AP3S1: variants seen among roughly 807,000 people sequenced by gnomAD.
AP3S1 encodes AP-3 complex subunit sigma-1.
Under a neutral mutation model 21.3 loss-of-function variants are expected in AP3S1, and 12 were observed. That is an observed-to-expected ratio of 0.56 (90% CI 0.36 to 0.91). The LOEUF is 0.91. Among genes scored for constraint, AP3S1 ranks in the 40% least tolerant of loss-of-function variants. The pLI, the probability that AP3S1 is intolerant of heterozygous loss-of-function variation, is 0.01. For missense variants in AP3S1, 116 were observed against 225.0 expected, an observed-to-expected ratio of 0.52 and a Z score of 3.10; for synonymous variants, 48 against 78.4, an observed-to-expected ratio of 0.61 and a Z score of 2.05.
At chr5:115,881,454 A>G (rs1461577111) in intron 3 of AP3S1, among the ~76,000 whole-genome samples, 2 of 152,164 alleles carry the variant, frequency 1.3e-5, no homozygotes, top group Non-Finnish European at 2.9e-5. Flanking sequence ...TCCTTCACTT[A>G]TGAAGCTTAG....
At chr5:115,863,129 G>A (rs182167368) in intron 1 of AP3S1, among the ~76,000 whole-genome samples, 1 of 152,284 alleles carries the variant, frequency 6.6e-6, no homozygotes, top group Non-Finnish European at 1.5e-5. Context: ...GCTGGGCGTG[G>A]TGGCTCCCAT....
chr5:115,883,416 C>G (rs1749483903), intron 3 of AP3S1, among the ~76,000 whole-genome samples: 1 of 152,194 alleles, frequency 6.6e-6, no homozygotes, highest in African/African-American at 2.4e-5. Context: ...GGCACCATCC[C>G]TCACAGCACA....
Position 115,846,829 on chromosome 5 carries a change from T to C in AP3S1, c.69+4723T>C, listed in dbSNP as rs151040224. Reference sequence around the variant, plus strand: ...GTTAAGAAGAAAATTCCATACGATTTGGTTTCCTTCCATATTAGTTATAAT... The same window carrying C: ...GTTAAGAAGAAAATTCCATACGATTCGGTTTCCTTCCATATTAGTTATAAT... On this transcript the variant is annotated intron_variant, in intron 1 of 5. Coordinates refer to ENST00000316788, the MANE Select transcript of AP3S1 (RefSeq NM_001284.4). Among the ~76,000 whole-genome samples, 472 of 152,294 alleles carry C rather than the reference T, an allele frequency of 3.1e-3. 1 individual carries two copies. Among genetic ancestry groups the C allele is most frequent in the South Asian group, 4.6e-3 (22 of 4,824 alleles).
intron 3 of AP3S1, among the ~76,000 whole-genome samples, chr5:115,884,666 A>T (rs1749620135): frequency 6.6e-6 from 1 of 152,248 alleles, no homozygotes; most frequent in Non-Finnish European, 1.5e-5. Context: ...TTCTTACAAT[A>T]CCACATTTTT....
intron 3 of AP3S1, among the ~76,000 whole-genome samples, chr5:115,886,759 A>T (rs1189164520): frequency 6.6e-6 from 1 of 152,142 alleles, no homozygotes; most frequent in East Asian, 1.9e-4. Flanking sequence ...ATTATAATTA[A>T]CTTTCTATAA....
chr5:115,855,642 T>C (rs997037863), intron 1 of AP3S1, among the ~76,000 whole-genome samples: 1 of 152,152 alleles, frequency 6.6e-6, no homozygotes, highest in Non-Finnish European at 1.5e-5. Context: ...ACCCAGTTGA[T>C]TATGAGGAAT....
At position 115,848,275 on chromosome 5, in the gene AP3S1, G is replaced by A. The variant is rs186871121; in HGVS notation, c.69+6169G>A. 3.9e-4 allele frequency among the ~76,000 whole-genome samples: 60 copies of A among 152,098 alleles called. 1 individual carries two copies. Among genetic ancestry groups the A allele is most frequent in the Non-Finnish European group, 7.4e-4 (50 of 67,994 alleles). On this transcript the variant is annotated intron_variant, in intron 1 of 5. Coordinates refer to ENST00000316788, the MANE Select transcript of AP3S1 (RefSeq NM_001284.4). ...ACACAGATAATTATTAACACTTAGT[G>A]TATTTCCCCCCGGTCTTTATTTTTC...
intron 5 of AP3S1, 114 bp downstream of exon 5, chr5:115,903,106 T>C (rs1383347200): frequency 9.3e-6 from 7 of 750,380 alleles, no homozygotes; most frequent in Non-Finnish European, 1.3e-5. Flanking sequence ...TCAGCCGTTA[T>C]GCTTATTCAG....
intron 1 of AP3S1, among the ~76,000 whole-genome samples, chr5:115,844,324 G>A (rs1341822643): frequency 6.6e-6 from 1 of 152,112 alleles, no homozygotes; most frequent in South Asian, 2.1e-4. Context: ...GGAGTAGGCT[G>A]TATTATAGCA....
In AP3S1 at chr5:115,905,933, C is replaced by T. The variant is rs181951832; in HGVS notation, c.453+2941C>T. ...ACTTTGGGATCACTCAGGTGATCTG[C>T]TCACCTGAGGTCAGGAGTTTGAGAC... is the stretch of plus-strand genomic sequence containing the variant. On this transcript the variant is annotated intron_variant, in intron 5 of 5. Transcript: ENST00000316788. Among the ~76,000 whole-genome samples, 322 of 152,232 alleles carry T rather than the reference C, an allele frequency of 2.1e-3. 1 individual carries two copies. The highest frequency in any genetic ancestry group is 7.5e-3 in the African/African-American group (312 of 41,544).
chr5:115,845,719 A>G (rs1384408405), intron 1 of AP3S1, among the ~76,000 whole-genome samples: 1 of 151,790 alleles, frequency 6.6e-6, no homozygotes, highest in Non-Finnish European at 1.5e-5. Flanking sequence ...CTATAAGTGC[A>G]GCTACTCGCT....
At chr5:115,895,836 A>G (rs1750713042) in intron 4 of AP3S1, among the ~76,000 whole-genome samples, 2 of 152,278 alleles carry the variant, frequency 1.3e-5, no homozygotes, top group South Asian at 4.1e-4. Flanking sequence ...GGTTTGAAAG[A>G]AGGAAAAACG....
intron 1 of AP3S1, among the ~76,000 whole-genome samples, chr5:115,848,139 C>A (rs183910385): frequency 7.1e-6 from 1 of 140,352 alleles, no homozygotes; most frequent in African/African-American, 3.0e-5. Flanking sequence ...ACGTGACGTA[C>A]CTATATTATA....
chr5:115,862,783 C>T (rs1763298268), intron 1 of AP3S1, among the ~76,000 whole-genome samples: 1 of 152,136 alleles, frequency 6.6e-6, no homozygotes, highest in Non-Finnish European at 1.5e-5. Context: ...ATATCATAAA[C>T]CTTGAATAAC....
intron 4 of AP3S1, among the ~76,000 whole-genome samples, chr5:115,898,046 A>G (rs1228416790): frequency 1.3e-5 from 2 of 152,228 alleles, no homozygotes; most frequent in African/African-American, 4.8e-5. Context: ...TTAAAACAAA[A>G]AAGGGTTATT....
intron 1 of AP3S1, among the ~76,000 whole-genome samples, chr5:115,844,755 C>T (rs1422889948): frequency 6.6e-6 from 1 of 152,200 alleles, no homozygotes; most frequent in East Asian, 1.9e-4. Context: ...TCCGTGAAGC[C>T]TTTGATCTTG....
intron 2 of AP3S1, among the ~76,000 whole-genome samples, chr5:115,868,702 T>G (rs1747917885): frequency 6.6e-6 from 1 of 151,674 alleles, no homozygotes; most frequent in Admixed American, 6.6e-5. Context: ...GGCAACATGG[T>G]GAAACCCCAT....
chr5:115,876,454 G>A (rs1030174845), intron 3 of AP3S1, among the ~76,000 whole-genome samples: 2 of 152,118 alleles, frequency 1.3e-5, no homozygotes, highest in East Asian at 1.9e-4. Flanking sequence ...ATGTCCTAAT[G>A]TAGAATGGTT....
intron 3 of AP3S1, among the ~76,000 whole-genome samples, chr5:115,884,296 A>G (rs1307499969): frequency 6.6e-6 from 1 of 152,236 alleles, no homozygotes; most frequent in Non-Finnish European, 1.5e-5. Flanking sequence ...GTATTCTAAT[A>G]GTGTAGGCAA....
Sources: allele counts gnomAD v4.1 joint callset (sites outside exome capture counted in the v4.1 genomes callset), GRCh38; gene constraint gnomAD v4.1.1; transcripts MANE v1.5; gene names NCBI Gene and HGNC (gene_info 2026-07-23, HGNC 2026-07-21).